TUBGCP3: variants seen among roughly 807,000 people sequenced by gnomAD.
TUBGCP3 encodes tubulin gamma complex component 3.
A neutral mutation model predicts 123.1 loss-of-function variants in TUBGCP3; 50 were observed. The observed-to-expected ratio is 0.41, with a 90% CI of 0.32 to 0.51. The LOEUF (loss-of-function observed/expected upper bound fraction) is 0.51. Among genes scored for constraint, TUBGCP3 ranks in the 20% least tolerant of loss-of-function variants. The pLI is 0.36. For synonymous variants in TUBGCP3, 405 were observed against 413.9 expected (o/e 0.98, Z 0.26); for missense variants, 882 against 1,127.0 (o/e 0.78, Z 3.11).
At chr13:112,561,511 G>C (rs1001493726) in intron 3 of TUBGCP3, among the ~76,000 whole-genome samples, 3 of 152,206 alleles carry the variant, frequency 2.0e-5, no homozygotes, top group Admixed American at 6.5e-5. Context: ...GGACAAACGA[G>C]AGATATAGCT....
intron 21 of TUBGCP3, 142 bp from the exon 22 acceptor site, chr13:112,486,293 G>T: frequency 1.1e-5 from 11 of 1,044,270 alleles, no homozygotes; most frequent in Non-Finnish European, 1.4e-5. Flanking sequence ...ACCAGGGCAG[G>T]TGTCCAGGGA....
chr13:112,565,369 T>C (rs777988436), intron 2 of TUBGCP3, among the ~76,000 whole-genome samples, 191 bp from the exon 3 acceptor site: 7 of 152,220 alleles, frequency 4.6e-5, no homozygotes, highest in Non-Finnish European at 8.8e-5. Flanking sequence ...CTGACATTTG[T>C]AAAGTACGGA....
At chr13:112,573,219 C>T (rs112112279) in intron 1 of TUBGCP3, among the ~76,000 whole-genome samples, 2 of 150,058 alleles carry the variant, frequency 1.3e-5, no homozygotes, top group African/African-American at 2.5e-5. Context: ...TGAAACAAAA[C>T]AGTATGCCAT....
chr13:112,583,249 AATAC>A (rs1456794540), intron 1 of TUBGCP3, among the ~76,000 whole-genome samples: 1 of 152,228 alleles, frequency 6.6e-6, no homozygotes, highest in Non-Finnish European at 1.5e-5. Context: ...GAAAATATTA[AATAC>A]ATACTATATC....
At chr13:112,507,223 C>T (rs1174578869) in intron 17 of TUBGCP3, among the ~76,000 whole-genome samples, 4 of 152,198 alleles carry the variant, frequency 2.6e-5, no homozygotes, top group Admixed American at 2.0e-4. Context: ...CCACGACTCG[C>T]GGGTCTCACC....
intron 17 of TUBGCP3, among the ~76,000 whole-genome samples, chr13:112,510,862 T>C (rs1881632332): frequency 6.6e-6 from 1 of 152,204 alleles, no homozygotes; most frequent in South Asian, 2.1e-4. Flanking sequence ...TGTATTTGTA[T>C]GTTTCACTAA....
At chr13:112,588,373 A>G (rs1440721834), upstream of TUBGCP3, among the ~76,000 whole-genome samples, 1 of 152,198 alleles carries the variant, frequency 6.6e-6, no homozygotes, top group African/African-American at 2.4e-5. Flanking sequence ...GGTGGCCGGT[A>G]GCACCATAAA....
At chr13:112,601,512 T>A in the TUBGCP3 span, among the ~76,000 whole-genome samples, 2 of 152,208 alleles carry the variant, frequency 1.3e-5, no homozygotes, top group Non-Finnish European at 2.9e-5. Flanking sequence ...GAGGACTGGA[T>A]GAGGTAACGA....
intron 17 of TUBGCP3, among the ~76,000 whole-genome samples, chr13:112,512,155 T>A (rs1400917258): frequency 6.6e-6 from 1 of 152,172 alleles, no homozygotes; most frequent in Admixed American, 6.5e-5. Flanking sequence ...GCACAGTAGC[T>A]CACGCCCATA....
At chr13:112,587,399 G>C (rs551094402) in intron 1 of TUBGCP3, 1 of 153,082 alleles carries the variant, frequency 6.5e-6, no homozygotes, top group South Asian at 2.0e-4. Context: ...CTTTCCTAAC[G>C]AAAAGGGACG....
intron 2 of TUBGCP3, among the ~76,000 whole-genome samples, chr13:112,565,898 G>A (rs1880918856): frequency 6.7e-6 from 1 of 148,960 alleles, no homozygotes; most frequent in African/African-American, 2.5e-5. Flanking sequence ...TCACACCACT[G>A]CACTCCAGCC....
chr13:112,531,046 G>A (rs919335139), intron 11 of TUBGCP3, among the ~76,000 whole-genome samples: 1 of 152,132 alleles, frequency 6.6e-6, no homozygotes, highest in Non-Finnish European at 1.5e-5. Flanking sequence ...TTTTCCCAGG[G>A]CAACCAACCA....
In TUBGCP3 at chr13:112,566,197, T is replaced by C. The variant is rs1880945045; in HGVS notation, c.185-1019A>G. Reference sequence around the variant, plus strand: ...TTGGGTTCCCTGGGGGAAGAGAACCTACTTTGCTCACATTTACAACACTGC... The same window carrying C: ...TTGGGTTCCCTGGGGGAAGAGAACCCACTTTGCTCACATTTACAACACTGC... On this transcript the variant is annotated intron_variant, in intron 2 of 21. Coordinates refer to ENST00000261965, the MANE Select transcript of TUBGCP3 (RefSeq NM_006322.6). Among the ~76,000 whole-genome samples, 3 of 152,222 alleles carry C rather than the reference T, an allele frequency of 2.0e-5. No individual in the cohort carries two copies. In the South Asian group the frequency reaches 6.2e-4, roughly 32 times the overall value.
the TUBGCP3 span, among the ~76,000 whole-genome samples, chr13:112,594,751 A>G: frequency 6.6e-6 from 1 of 152,118 alleles, no homozygotes; most frequent in Non-Finnish European, 1.5e-5. Context: ...TTGAATTTTG[A>G]TATGTTGTAT....
chr13:112,566,756 G>A (rs974344919), intron 2 of TUBGCP3, among the ~76,000 whole-genome samples: 1 of 152,032 alleles, frequency 6.6e-6, no homozygotes, highest in East Asian at 1.9e-4. Context: ...AAAAATGAAC[G>A]CATAGTATTT....
rs999163466 is a variant in TUBGCP3, at chr13:112,516,678, A to G, written c.1951-103T>C. On this transcript the variant is annotated intron_variant, in intron 16 of 21. Coordinates refer to ENST00000261965, the MANE Select transcript of TUBGCP3 (RefSeq NM_006322.6). ...AAAAGGTACATTTTAGCAAACTATC[A>G]TAATAGGCAGCATGCTAAGTAAAGT... 2.2e-6 allele frequency: 3 copies of G among 1,349,160 alleles called. No individual in the cohort carries two copies. The South Asian group carries it at 4.4e-5, about 20-fold the overall frequency. 83.6% of individuals were successfully genotyped at this position (1,349,160 alleles called of 1,614,324 possible). A position where few individuals can be genotyped will look rare whatever the true frequency, so the allele number is the denominator to read the frequency against.
At chr13:112,582,756 T>C (rs1227512463) in intron 1 of TUBGCP3, among the ~76,000 whole-genome samples, 1 of 152,204 alleles carries the variant, frequency 6.6e-6, no homozygotes, top group Admixed American at 6.5e-5. Context: ...CCACCTCTAA[T>C]CTGCTCTGGG....
At chr13:112,517,159 G>C (rs1398680684) in intron 16 of TUBGCP3, among the ~76,000 whole-genome samples, 2 of 152,122 alleles carry the variant, frequency 1.3e-5, no homozygotes. Flanking sequence ...CATAATTACA[G>C]GTGTGTGCCA....
At chr13:112,579,157 AACACAC>A (rs113223786) in intron 1 of TUBGCP3, among the ~76,000 whole-genome samples, 4 of 151,756 alleles carry the variant, frequency 2.6e-5, no homozygotes, top group South Asian at 2.1e-4. Context: ...ATGAATGGCA[AACACAC>A]ACACACACAC....
Sources: gnomAD v4.1 joint callset for allele counts (sites outside exome capture counted in the v4.1 genomes callset) on GRCh38, gnomAD v4.1.1 for gene constraint, MANE v1.5 for transcripts, NCBI Gene and HGNC (gene_info 2026-07-23, HGNC 2026-07-21) for gene names.